OR51B5: variants seen among roughly 807,000 people sequenced by gnomAD.
OR51B5 encodes the protein olfactory receptor family 51 subfamily B member 5.
For missense variants in OR51B5, 456 were observed against 374.6 expected (o/e 1.22, Z -1.79); for synonymous variants, 186 against 144.8 (o/e 1.28, Z -2.04).
chr11:5,504,188 TG>T (rs1245841342), intron 1 of OR51B5, among the ~76,000 whole-genome samples: 13 of 152,224 alleles, frequency 8.5e-5, no homozygotes, highest in African/African-American at 1.7e-4. Flanking sequence ...ATATTAGTTT[TG>T]TTTTTTTAAA....
intron 1 of OR51B5, chr11:5,391,461 C>G (rs1220250627): frequency 6.6e-6 from 1 of 152,174 alleles, no homozygotes; most frequent in Admixed American, 6.5e-5. Flanking sequence ...TTAGGCATGT[C>G]TTGCTCGCCA....
At chr11:5,504,869 G>C (rs1341204636) in intron 1 of OR51B5, among the ~76,000 whole-genome samples, 1 of 152,172 alleles carries the variant, frequency 6.6e-6, no homozygotes, top group South Asian at 2.1e-4. Context: ...AGGCTGATGA[G>C]TTTACTCTTT....
intron 1 of OR51B5, among the ~76,000 whole-genome samples, chr11:5,360,063 C>A (rs554128890): frequency 2.0e-5 from 3 of 152,132 alleles, no homozygotes; most frequent in South Asian, 4.2e-4. Flanking sequence ...CTAGGCAATA[C>A]CATTCAGGAC....
rs147736419 is a variant in OR51B5, at chr11:5,421,060, T to G, written n.85-74150A>C. On this transcript the variant is annotated intron_variant and non_coding_transcript_variant, in intron 1 of 4. Coordinates refer to the OR51B5 transcript ENST00000415970. The stretch of plus-strand genomic sequence containing the variant: ...ACAGTTCAAGCTTAAGCATGCAGTT[T>G]CAAATCACATTCAACAAGCTAATGA... 1.5e-3 allele frequency among the ~76,000 whole-genome samples: 226 copies of G among 152,328 alleles called. 1 individual carries two copies. Among genetic ancestry groups the G allele is most frequent in the African/African-American group, 5.2e-3 (217 of 41,576 alleles).
chr11:5,376,138 A>G (rs1452800919), intron 1 of OR51B5, among the ~76,000 whole-genome samples: 6 of 152,158 alleles, frequency 3.9e-5, no homozygotes, highest in Non-Finnish European at 8.8e-5. Context: ...CAATCAAACT[A>G]GAACTCAGGA....
At chr11:5,415,078 T>C (rs575195511) in intron 1 of OR51B5, among the ~76,000 whole-genome samples, 2,992 of 152,168 alleles carry the variant, frequency 0.02, 101 homozygotes, top group African/African-American at 0.068. Flanking sequence ...AAACTATCTC[T>C]CAGACCACAG....
At chr11:5,439,778 G>A (rs1171700912) in intron 1 of OR51B5, among the ~76,000 whole-genome samples, 2 of 152,114 alleles carry the variant, frequency 1.3e-5, no homozygotes, top group Non-Finnish European at 2.9e-5. Flanking sequence ...TCTAATACCT[G>A]AGTGCTGTCA....
rs1429067366 is a variant in OR51B5 at position 5,482,174 on chromosome 11, C to T, written n.84+23395G>A. Among the ~76,000 whole-genome samples the T allele has an allele frequency of 6.6e-5, 7 of 105,778 alleles. 1 individual carries two copies. Among genetic ancestry groups the T allele is most frequent in the Non-Finnish European group, 1.1e-4 (6 of 54,820 alleles). 69.4% of individuals were successfully genotyped at this position (105,778 alleles called of 152,430 possible). On this transcript the variant is annotated intron_variant and non_coding_transcript_variant, in intron 1 of 4. Transcript: ENST00000415970. ...AAAACAGAGATATAGATCAATGGAA[C>T]AGAACAGAGCCCTCAGAAATAATGC...
intron 1 of OR51B5, among the ~76,000 whole-genome samples, chr11:5,413,696 A>C (rs1850187636): frequency 6.6e-6 from 1 of 152,198 alleles, no homozygotes; most frequent in African/African-American, 2.4e-5. Flanking sequence ...ATGGAAGATG[A>C]AATGAATGAA....
At chr11:5,459,903 T>A (rs979594463) in intron 1 of OR51B5, among the ~76,000 whole-genome samples, 1 of 152,216 alleles carries the variant, frequency 6.6e-6, no homozygotes, top group African/African-American at 2.4e-5. Flanking sequence ...GGTATATAAA[T>A]TGTTCTACCA....
chr11:5,468,224 G>T (rs1289702321), intron 1 of OR51B5, among the ~76,000 whole-genome samples: 1 of 152,196 alleles, frequency 6.6e-6, no homozygotes, highest in Non-Finnish European at 1.5e-5. Context: ...GGGACAAAAA[G>T]GATTCAGTTC....
At chr11:5,367,580 G>T (rs1287540701) in intron 1 of OR51B5, among the ~76,000 whole-genome samples, 5 of 152,116 alleles carry the variant, frequency 3.3e-5, no homozygotes, top group Non-Finnish European at 5.9e-5. Context: ...TGGTTTGGTG[G>T]GTTTCAGCCA....
intron 1 of OR51B5, among the ~76,000 whole-genome samples, chr11:5,460,827 A>G (rs1851038886): frequency 6.6e-6 from 1 of 152,212 alleles, no homozygotes; most frequent in South Asian, 2.1e-4. Flanking sequence ...CTTTGTTGGT[A>G]GATGCTTTCA....
At chr11:5,343,521 A>T (rs149637851) in exon 1 of OR51B5, 5 of 881,394 alleles carry the variant, frequency 5.7e-6, no homozygotes, top group Non-Finnish European at 9.3e-6. Flanking sequence ...CCGCTGGACG[A>T]CATCCTGGGT....
chr11:5,459,954 T>C (rs931935302), intron 1 of OR51B5, among the ~76,000 whole-genome samples: 2 of 152,110 alleles, frequency 1.3e-5, no homozygotes, highest in African/African-American at 2.4e-5. Context: ...CTATTCCCAA[T>C]AGCAAAGACA....
intron 1 of OR51B5, among the ~76,000 whole-genome samples, chr11:5,377,012 G>A (rs2133713523): frequency 6.6e-6 from 1 of 152,236 alleles, no homozygotes; most frequent in African/African-American, 2.4e-5. Context: ...AACCAAAAAA[G>A]AGAATTTTAG....
At chr11:5,359,226 T>A (rs1440513819) in intron 1 of OR51B5, among the ~76,000 whole-genome samples, 1 of 149,298 alleles carries the variant, frequency 6.7e-6, no homozygotes, top group Non-Finnish European at 1.5e-5. Flanking sequence ...GATGACACGA[T>A]TGTATATCTA....
intron 1 of OR51B5, among the ~76,000 whole-genome samples, chr11:5,470,782 C>T (rs1723449897): frequency 6.6e-6 from 1 of 152,190 alleles, no homozygotes; most frequent in South Asian, 2.1e-4. Context: ...GGTTTCCTCT[C>T]TCCATCTCAC....
In OR51B5 at chr11:5,462,570, A is replaced by C. The variant is rs538588095; in HGVS notation, n.84+42999T>G. On this transcript the variant is annotated intron_variant and non_coding_transcript_variant, in intron 1 of 4. Coordinates refer to the OR51B5 transcript ENST00000415970. ...TTCAGTTGGATGAGAAGTTCTCTTC[A>C]CCCAGATAGTGTTTTAAAAAACGAC... is the stretch of plus-strand genomic sequence containing the variant. Among the ~76,000 whole-genome samples, 6 of 152,320 alleles carry C rather than the reference A, an allele frequency of 3.9e-5. No individual in the cohort carries two copies. In the East Asian group the frequency reaches 1.2e-3, roughly 29 times the overall value.
Sources: allele counts gnomAD v4.1 joint callset (sites outside exome capture counted in the v4.1 genomes callset), GRCh38; gene constraint gnomAD v4.1.1; transcripts MANE v1.5; gene names NCBI Gene and HGNC (gene_info 2026-07-23, HGNC 2026-07-21).